ARHGAP22: variants seen among roughly 807,000 people sequenced by gnomAD.
The protein encoded by ARHGAP22 is rho GTPase-activating protein 22.
Under a neutral mutation model 59.1 loss-of-function variants are expected in ARHGAP22, and 48 were observed. That is an observed-to-expected ratio of 0.81 (90% CI 0.64 to 1.03). The LOEUF (loss-of-function observed/expected upper bound fraction) is 1.03. ARHGAP22 is among the 50% of genes least tolerant of loss of function. ARHGAP22 has a pLI of 0.00. For missense variants in ARHGAP22, 1,015 were observed against 958.7 expected, an observed-to-expected ratio of 1.06 and a Z score of -0.78; for synonymous variants, 445 against 416.4, an observed-to-expected ratio of 1.07 and a Z score of -0.84.
chr10:48,473,894 G>A (rs746087573), intron 4 of ARHGAP22, among the ~76,000 whole-genome samples: 2 of 152,212 alleles, frequency 1.3e-5, no homozygotes, highest in Non-Finnish European at 2.9e-5. Context: ...GCACCCACCA[G>A]ATGCCGAGGC....
intron 3 of ARHGAP22, among the ~76,000 whole-genome samples, chr10:48,486,165 A>T (rs75515715): frequency 0.025 from 3,830 of 152,216 alleles, 71 homozygotes; most frequent in Middle Eastern, 0.044. Context: ...AACTTATCAC[A>T]GTCTACATTA....
At position 48,450,549 on chromosome 10, in the gene ARHGAP22, CTGAG is replaced by C; in HGVS notation, c.1576_1579del (p.Leu526AlafsTer95). ...GCTGGCGCGGCAGGCCGTGCAGCTG[CTGAG>C]TGAGCCCCCCACCGACGACTCGCTG... On this transcript the variant is annotated frameshift_variant, in exon 9 of 10. Transcript: ENST00000249601. LOFTEE classifies it high-confidence loss of function. 1 of 1,522,770 alleles carries C rather than the reference CTGAG, an allele frequency of 6.6e-7. No homozygotes were observed. Among genetic ancestry groups the C allele is most frequent in the Non-Finnish European group, 8.8e-7 (1 of 1,135,638 alleles). The allele number at this position is 1,522,770 out of a possible 1,614,324, so 94.3% of individuals were successfully genotyped here. A position where few individuals can be genotyped will look rare whatever the true frequency, so the allele number is the denominator to read the frequency against.
intron 3 of ARHGAP22, among the ~76,000 whole-genome samples, chr10:48,541,529 C>T (rs1445151): frequency 0.57 from 87,211 of 151,994 alleles, 26,423 homozygotes; most frequent in East Asian, 0.99. Context: ...GAGAGTCAGC[C>T]TGGAGTCTAG....
At chr10:48,602,847 G>A (rs954091987) in intron 1 of ARHGAP22, among the ~76,000 whole-genome samples, 3 of 152,260 alleles carry the variant, frequency 2.0e-5, no homozygotes, top group Non-Finnish European at 2.9e-5. Context: ...GATCCAGCCT[G>A]GACTGGGGTG....
the ARHGAP22 span, chr10:48,431,260 C>G: frequency 1.9e-6 from 3 of 1,610,448 alleles, no homozygotes; most frequent in South Asian, 2.2e-5. Flanking sequence ...GGGGGCAGCC[C>G]TCTCCTTTAG....
At chr10:48,602,162 G>C (rs779666170) in intron 1 of ARHGAP22, among the ~76,000 whole-genome samples, 1 of 152,164 alleles carries the variant, frequency 6.6e-6, no homozygotes, top group Non-Finnish European at 1.5e-5. Flanking sequence ...TTACTTTCTT[G>C]TGGGACAATC....
chr10:48,503,676 A>G (rs1292269318), intron 3 of ARHGAP22, among the ~76,000 whole-genome samples: 1 of 152,236 alleles, frequency 6.6e-6, no homozygotes, highest in Non-Finnish European at 1.5e-5. Context: ...TCCCAAGTCC[A>G]GGAGGCTGGT....
intron 3 of ARHGAP22, among the ~76,000 whole-genome samples, chr10:48,504,487 A>G (rs2051872536): frequency 6.6e-6 from 1 of 152,184 alleles, no homozygotes; most frequent in African/African-American, 2.4e-5. Context: ...TGGATGGGAT[A>G]ACAGAAATGG....
At chr10:48,524,156 C>A (rs1275543257) in intron 3 of ARHGAP22, 9 of 1,190,854 alleles carry the variant, frequency 7.6e-6, no homozygotes, top group Non-Finnish European at 8.3e-6. Context: ...CTGCCGCCTG[C>A]GCCCCGGGGC....
intron 3 of ARHGAP22, among the ~76,000 whole-genome samples, chr10:48,523,226 C>T (rs2053972242): frequency 6.6e-6 from 1 of 152,220 alleles, no homozygotes; most frequent in Non-Finnish European, 1.5e-5. Flanking sequence ...CACAGTTTCC[C>T]AAGGCCTTCC....
downstream of ARHGAP22, among the ~76,000 whole-genome samples, chr10:48,443,168 GCT>G (rs1351514542): frequency 1.3e-5 from 2 of 152,134 alleles, no homozygotes; most frequent in African/African-American, 4.8e-5. Context: ...CCTGCCTGCA[GCT>G]CTCTCCCTGT....
chr10:48,588,151 C>T (rs765863697), intron 1 of ARHGAP22, among the ~76,000 whole-genome samples: 5 of 152,194 alleles, frequency 3.3e-5, no homozygotes, highest in East Asian at 1.9e-4. Context: ...GAGAGCTTCA[C>T]GTAAGGAGGG....
upstream of ARHGAP22, among the ~76,000 whole-genome samples, chr10:48,653,205 C>G (rs74134007): frequency 0.024 from 3,612 of 152,336 alleles, 142 homozygotes; most frequent in African/African-American, 0.082. Context: ...GAGCTTGCAT[C>G]ACATTTATTG....
chr10:48,639,887 C>G lies in ARHGAP22; in HGVS notation c.52+12347G>C, dbSNP rs184057812. On this transcript the variant is annotated intron_variant, in intron 1 of 9. Transcript: ENST00000435790. ...TTGAAACTGTCTCTTTGAGTATTGC[C>G]AGATTTTGGATTTAACAGAGACTTT... Among the ~76,000 whole-genome samples the G allele has an allele frequency of 4.9e-3, 742 of 151,852 alleles. 4 individuals carry two copies. Among genetic ancestry groups the G allele is most frequent in the Non-Finnish European group, 9.0e-3 (609 of 67,956 alleles).
At chr10:48,471,113 T>C (rs1460607553) in intron 4 of ARHGAP22, among the ~76,000 whole-genome samples, 1 of 152,188 alleles carries the variant, frequency 6.6e-6, no homozygotes, top group African/African-American at 2.4e-5. Context: ...CTCCCTTCTT[T>C]TTTCCACCCA....
At chr10:48,489,732 T>C (rs1725133370) in intron 3 of ARHGAP22, among the ~76,000 whole-genome samples, 1 of 142,330 alleles carries the variant, frequency 7.0e-6, no homozygotes. Context: ...GGCTGCCTCT[T>C]TTTTTTTTTT....
At chr10:48,605,237 G>T, upstream of ARHGAP22, 1 of 877,396 alleles carries the variant, frequency 1.1e-6, no homozygotes, top group Non-Finnish European at 1.4e-6. Flanking sequence ...CCTTTGCTGA[G>T]GCTGGAAGAA....
Position 48,600,551 on chromosome 10 carries a change from C to CAA in ARHGAP22, c.34+4210_34+4211dup, listed in dbSNP as rs5784770. On this transcript the variant is annotated intron_variant, in intron 1 of 9. Coordinates refer to ENST00000249601, the MANE Select transcript of ARHGAP22 (RefSeq NM_021226.4). ...ACAATGAAAATCCCAGAGGAGTATT[C>CAA]AAAAAAAAAAAAAATCAGGCTGCAG... Among the ~76,000 whole-genome samples the CAA allele has an allele frequency of 3.6e-3, 498 of 139,006 alleles. 3 individuals carry two copies. The highest frequency in any genetic ancestry group is 9.3e-3 in the Admixed American group (130 of 13,978). The allele number at this position is 139,006 out of a possible 152,430, so 91.2% of individuals were successfully genotyped here. A position where few individuals can be genotyped will look rare whatever the true frequency, so the allele number is the denominator to read the frequency against.
At chr10:48,582,563 C>T (rs1279917875) in intron 2 of ARHGAP22, among the ~76,000 whole-genome samples, 1 of 152,192 alleles carries the variant, frequency 6.6e-6, no homozygotes, top group Admixed American at 6.5e-5. Flanking sequence ...CAGAGTGAGC[C>T]AGGTTTCAGT....
Sources: gnomAD v4.1 joint callset for allele counts (sites outside exome capture counted in the v4.1 genomes callset) on GRCh38, gnomAD v4.1.1 for gene constraint, MANE v1.5 for transcripts, NCBI Gene and HGNC (gene_info 2026-07-23, HGNC 2026-07-21) for gene names.